CCNJL: variants seen among roughly 807,000 people sequenced by gnomAD.
The protein encoded by CCNJL is cyclin-J-like protein.
A neutral mutation model predicts 33.4 loss-of-function variants in CCNJL; 33 were observed. That is an observed-to-expected ratio of 0.99 (90% confidence interval 0.75 to 1.32). CCNJL has a LOEUF of 1.32. Ranked by LOEUF, CCNJL falls within the 40% of genes most tolerant of loss-of-function variation. The pLI, the probability that CCNJL is intolerant of heterozygous loss-of-function variation, is 0.00. For synonymous variants in CCNJL, 227 were observed against 220.9 expected (o/e 1.03, Z -0.24); for missense variants, 512 against 499.7 (o/e 1.02, Z -0.23).
intron 1 of CCNJL, among the ~76,000 whole-genome samples, chr5:160,326,293 G>T (rs1763534288): frequency 1.3e-5 from 2 of 151,852 alleles, no homozygotes; most frequent in African/African-American, 2.4e-5. Context: ...TGGCCAATAT[G>T]GTGAAACCCT....
At position 160,335,859 on chromosome 5, in the gene CCNJL, C is replaced by G. The variant is rs575027600; in HGVS notation, n.206+3586G>C. 2.6e-5 allele frequency among the ~76,000 whole-genome samples: 4 copies of G among 151,508 alleles called. No homozygotes were observed. The East Asian group carries it at 5.8e-4, about 22-fold the overall frequency. On this transcript the variant is annotated intron_variant and non_coding_transcript_variant, in intron 1 of 7. Transcript: ENST00000377503. ...TCAGCTTCCCAAAGTGCTAGAATTA[C>G]AGGCATGAGACACTACACCCAGACC...
At chr5:160,278,859 G>A (rs996821262) in intron 3 of CCNJL, among the ~76,000 whole-genome samples, 2 of 152,242 alleles carry the variant, frequency 1.3e-5, no homozygotes, top group Admixed American at 6.5e-5. Context: ...GCCCTCCACA[G>A]CCGGAGATGT....
intron 3 of CCNJL, chr5:160,269,397 G>C (rs1255042855): frequency 4.4e-6 from 2 of 456,400 alleles, no homozygotes; most frequent in African/African-American, 4.0e-5. Context: ...GAGGATAGGA[G>C]TTATCTCCTG....
upstream of CCNJL, among the ~76,000 whole-genome samples, chr5:160,315,658 T>G (rs1581017197): frequency 6.6e-6 from 1 of 152,284 alleles, no homozygotes; most frequent in Non-Finnish European, 1.5e-5. Flanking sequence ...GTGGTAGGAT[T>G]ATGGTAAATT....
intron 2 of CCNJL, among the ~76,000 whole-genome samples, chr5:160,303,804 G>A (rs1416731386): frequency 6.6e-6 from 1 of 151,750 alleles, no homozygotes; most frequent in Non-Finnish European, 1.5e-5. Context: ...CTTTCTGCCA[G>A]GTGCTCAGAT....
chr5:160,327,486 G>A (rs1322929231), intron 1 of CCNJL, among the ~76,000 whole-genome samples: 1 of 152,218 alleles, frequency 6.6e-6, no homozygotes, highest in Non-Finnish European at 1.5e-5. Context: ...GGAAAGCTTT[G>A]ACTCTTCTCT....
intron 1 of CCNJL, among the ~76,000 whole-genome samples, chr5:160,318,665 A>G (rs1763405475): frequency 6.6e-6 from 1 of 152,274 alleles, no homozygotes; most frequent in South Asian, 2.1e-4. Flanking sequence ...ACTCATTAGT[A>G]TTATGCCTAA....
intron 3 of CCNJL, among the ~76,000 whole-genome samples, chr5:160,270,004 A>C (rs960000953): frequency 6.6e-6 from 1 of 152,224 alleles, no homozygotes; most frequent in African/African-American, 2.4e-5. Flanking sequence ...CTGTGTAAAA[A>C]ATTCAGAACA....
intron 3 of CCNJL, among the ~76,000 whole-genome samples, chr5:160,261,940 A>C (rs1761353931): frequency 6.6e-6 from 1 of 152,208 alleles, no homozygotes; most frequent in East Asian, 1.9e-4. Flanking sequence ...TGTTAAATGA[A>C]TGAATAGTCC....
intron 2 of CCNJL, among the ~76,000 whole-genome samples, chr5:160,305,242 G>A (rs1763054732): frequency 6.6e-6 from 1 of 152,188 alleles, no homozygotes; most frequent in Non-Finnish European, 1.5e-5. Context: ...GCAAGCTTCA[G>A]GAGTCACTAA....
intron 5 of CCNJL, chr5:160,254,661 G>A (rs1406897182): frequency 3.8e-6 from 1 of 264,730 alleles, no homozygotes; most frequent in African/African-American, 2.2e-5. Flanking sequence ...AAGGGGAACT[G>A]GACAGTGTGT....
intron 2 of CCNJL, chr5:160,280,983 C>T: frequency 1.6e-6 from 1 of 607,804 alleles, no homozygotes; most frequent in South Asian, 1.8e-5. Flanking sequence ...TCATTCCTTC[C>T]CATGGGAAAG....
In CCNJL at chr5:160,279,527, G is replaced by T. The variant is rs192258146; in HGVS notation, c.280+998C>A. Among the ~76,000 whole-genome samples, 2 of 152,300 alleles carry T rather than the reference G, an allele frequency of 1.3e-5. 1 individual carries two copies. The highest frequency in any genetic ancestry group is 1.3e-4 in the Admixed American group (2 of 15,304). On this transcript the variant is annotated intron_variant, in intron 3 of 5. Transcript: ENST00000257536. ...TCCCTGAAACTTGCTATCCATGGGG[G>T]GTGGTGGTTGTTCATTCAAAGCACA...
intron 5 of CCNJL, chr5:160,254,018 T>A (rs563400278): frequency 3.8e-5 from 18 of 473,356 alleles, no homozygotes; most frequent in African/African-American, 3.5e-4. Flanking sequence ...TACAGAAAAT[T>A]TCTTCTGGCC....
At chr5:160,321,074 CTTTCTTTCTTTCT>C (rs1561812913) in intron 1 of CCNJL, among the ~76,000 whole-genome samples, 2,265 of 112,070 alleles carry the variant, frequency 0.02, 56 homozygotes, top group African/African-American at 0.037. Context: ...TTCTTTCTTT[CTTTCTTTCTTTCT>C]TTCCTTCTCT....
At chr5:160,330,670 C>CT (rs34682412) in intron 1 of CCNJL, among the ~76,000 whole-genome samples, 57 of 148,698 alleles carry the variant, frequency 3.8e-4, no homozygotes, top group South Asian at 8.6e-4. Context: ...CTTTTCTTTT[C>CT]TTTTTTTTTT....
At chr5:160,269,610 G>C (rs552262786) in intron 3 of CCNJL, 5 of 393,506 alleles carry the variant, frequency 1.3e-5, no homozygotes, top group African/African-American at 4.2e-5. Flanking sequence ...TGGTTCAGAG[G>C]GGAGATGCTT....
chr5:160,288,785 C>T (rs1762489095), intron 2 of CCNJL, among the ~76,000 whole-genome samples: 1 of 144,276 alleles, frequency 6.9e-6, no homozygotes, highest in African/African-American at 2.6e-5. Flanking sequence ...GAATGGACAT[C>T]GTGCCACTGC....
At chr5:160,277,546 G>A (rs1307612498) in intron 3 of CCNJL, among the ~76,000 whole-genome samples, 1 of 152,142 alleles carries the variant, frequency 6.6e-6, no homozygotes, top group East Asian at 1.9e-4. Context: ...CCTGTGTTAA[G>A]GTAGGAGACG....
Sources: gnomAD v4.1 joint callset for allele counts (sites outside exome capture counted in the v4.1 genomes callset) on GRCh38, gnomAD v4.1.1 for gene constraint, MANE v1.5 for transcripts, NCBI Gene and HGNC (gene_info 2026-07-23, HGNC 2026-07-21) for gene names.